Variants in NALCN observed in about 807,000 individuals in gnomAD.
The protein encoded by NALCN is sodium leak channel, non-selective, also known as sodium leak channel NALCN.
NALCN carries 111 observed loss-of-function variants against 225.3 expected under a neutral mutation model. The ratio of observed to expected loss-of-function variants is 0.49; its 90% confidence interval spans 0.42 to 0.58. The LOEUF is 0.58. Ranked by LOEUF, NALCN falls within the 20% of genes least tolerant of loss-of-function variation. NALCN has a pLI of 0.00. For missense variants in NALCN, 1,378 were observed against 2,202.4 expected, an observed-to-expected ratio of 0.63 and a Z score of 7.49; for synonymous variants, 764 against 769.0, an observed-to-expected ratio of 0.99 and a Z score of 0.11.
rs187906802 is a variant in NALCN at position 101,234,991 on chromosome 13, T to C, written c.1434+2764A>G. 2.6e-5 allele frequency among the ~76,000 whole-genome samples: 4 copies of C among 152,118 alleles called. No homozygotes were observed. In the East Asian group the frequency reaches 7.7e-4, roughly 29 times the overall value. On this transcript the variant is annotated intron_variant, in intron 12 of 43. Transcript: ENST00000251127. ...ACAAGAGTAGGAAACTAGAGATGATTAATAATTTGTAATAAATTGGTTTCT... is the reference window on the plus strand; with the variant it reads ...ACAAGAGTAGGAAACTAGAGATGATCAATAATTTGTAATAAATTGGTTTCT...
intron 10 of NALCN, among the ~76,000 whole-genome samples, chr13:101,259,031 T>G (rs2042331441): frequency 6.6e-6 from 1 of 152,180 alleles, no homozygotes. Flanking sequence ...TGAGATTTAT[T>G]TTTTACTTAT....
At chr13:101,116,348 G>T (rs1392903312) in intron 18 of NALCN, 3 of 252,722 alleles carry the variant, frequency 1.2e-5, no homozygotes, top group Admixed American at 8.7e-5. Context: ...TTTTATGGAC[G>T]TTGGGGAAAG....
At chr13:101,359,552 G>A (rs1177539312) in intron 6 of NALCN, among the ~76,000 whole-genome samples, 1 of 152,180 alleles carries the variant, frequency 6.6e-6, no homozygotes, top group East Asian at 1.9e-4. Flanking sequence ...CTTGGTTAAA[G>A]AGCTCTCTGA....
chr13:101,324,054 C>G (rs1365618838), intron 7 of NALCN, among the ~76,000 whole-genome samples: 1 of 152,076 alleles, frequency 6.6e-6, no homozygotes, highest in Non-Finnish European at 1.5e-5. Flanking sequence ...CATTAACATT[C>G]AGAAAATATG....
intron 13 of NALCN, among the ~76,000 whole-genome samples, chr13:101,205,096 A>G (rs1409307377): frequency 1.3e-5 from 2 of 152,100 alleles, no homozygotes; most frequent in Non-Finnish European, 2.9e-5. Context: ...GTTACAGGTA[A>G]AAGACATTTA....
chr13:101,374,194 C>T (rs2046618620), intron 6 of NALCN, among the ~76,000 whole-genome samples: 1 of 151,172 alleles, frequency 6.6e-6, no homozygotes. Context: ...GAGATCTTTA[C>T]TTCAACATAA....
At chr13:101,247,894 C>G (rs867999040) in intron 11 of NALCN, among the ~76,000 whole-genome samples, 1 of 152,146 alleles carries the variant, frequency 6.6e-6, no homozygotes, top group African/African-American at 2.4e-5. Flanking sequence ...CCAGCTCCCA[C>G]TTATAAGTGA....
chr13:101,314,060 G>A (rs2044458841), intron 7 of NALCN, among the ~76,000 whole-genome samples: 1 of 149,610 alleles, frequency 6.7e-6, no homozygotes, highest in African/African-American at 2.5e-5. Context: ...CTATCGCAAG[G>A]ACAAAAAATC....
intron 1 of NALCN, among the ~76,000 whole-genome samples, chr13:101,410,545 ATT>A (rs761184474): frequency 2.4e-4 from 36 of 152,244 alleles, no homozygotes; most frequent in Non-Finnish European, 4.8e-4. Context: ...CAGGAATTAA[ATT>A]TTTGTTTTAT....
intron 7 of NALCN, among the ~76,000 whole-genome samples, chr13:101,327,393 T>G (rs375903830): frequency 6.8e-6 from 1 of 147,390 alleles, no homozygotes; most frequent in Non-Finnish European, 1.5e-5. Flanking sequence ...TTGGGGGGGA[T>G]GATATTTAGT....
chr13:101,286,209 G>A (rs7993216), intron 9 of NALCN, among the ~76,000 whole-genome samples: 23,979 of 152,082 alleles, frequency 0.16, 2,253 homozygotes, highest in East Asian at 0.34. Flanking sequence ...AAATCCTTGC[G>A]GGGAGCGTGG....
chr13:101,202,426 T>C (rs562161161), intron 13 of NALCN, among the ~76,000 whole-genome samples: 1 of 152,230 alleles, frequency 6.6e-6, no homozygotes, highest in African/African-American at 2.4e-5. Context: ...ATACACATAG[T>C]GTGGATTTGG....
At chr13:101,220,384 A>G (rs2040891504) in intron 13 of NALCN, among the ~76,000 whole-genome samples, 1 of 152,214 alleles carries the variant, frequency 6.6e-6, no homozygotes, top group Non-Finnish European at 1.5e-5. Flanking sequence ...GTTTTTAATC[A>G]TCTCTCCTGA....
chr13:101,058,085 C>T (rs866604441), intron 42 of NALCN, 29 bp from the exon 43 acceptor site: 8 of 1,590,430 alleles, frequency 5.0e-6, no homozygotes, highest in Admixed American at 1.7e-5. Context: ...ACACAGTTAC[C>T]GTCTTTTTAA....
intron 15 of NALCN, 90 bp downstream of exon 15, chr13:101,176,210 G>T: frequency 1.1e-6 from 1 of 898,484 alleles, no homozygotes; most frequent in Non-Finnish European, 1.6e-6. Flanking sequence ...TTTTTACTTT[G>T]AAGCTCAAAT....
At chr13:101,172,555 C>G (rs1438048669) in intron 15 of NALCN, among the ~76,000 whole-genome samples, 4 of 152,026 alleles carry the variant, frequency 2.6e-5, no homozygotes, top group African/African-American at 9.7e-5. Context: ...TGTTAACACC[C>G]CCATTTATTG....
chr13:101,070,883 G>A (rs1594138768), intron 37 of NALCN, among the ~76,000 whole-genome samples: 1 of 152,198 alleles, frequency 6.6e-6, no homozygotes, highest in Non-Finnish European at 1.5e-5. Context: ...TTGACTCACA[G>A]TTCAGCAGGG....
intron 1 of NALCN, among the ~76,000 whole-genome samples, chr13:101,399,498 G>C (rs764605395): frequency 1.3e-5 from 2 of 152,148 alleles, no homozygotes; most frequent in Non-Finnish European, 2.9e-5. Flanking sequence ...TATACCTAAA[G>C]CTGTCTCCAC....
chr13:101,156,672 G>A (rs967809679), intron 15 of NALCN, among the ~76,000 whole-genome samples: 2 of 152,028 alleles, frequency 1.3e-5, no homozygotes, highest in Non-Finnish European at 2.9e-5. Flanking sequence ...TTTCTCTGAT[G>A]GTATGAACTC....
Sources: allele counts gnomAD v4.1 joint callset (sites outside exome capture counted in the v4.1 genomes callset), GRCh38; gene constraint gnomAD v4.1.1; transcripts MANE v1.5; gene names NCBI Gene and HGNC (gene_info 2026-07-23, HGNC 2026-07-21).